The following NCALD variants were observed in gnomAD, a reference collection of about 807,000 sequenced individuals.
The protein encoded by NCALD is neurocalcin-delta.
Under a neutral mutation model 18.6 loss-of-function variants are expected in NCALD, and 10 were observed. The observed-to-expected ratio is 0.54, with a 90% confidence interval of 0.33 to 0.91. The LOEUF is 0.91. Ranked by LOEUF, NCALD falls within the 40% of genes least tolerant of loss-of-function variation. The pLI is 0.03. For synonymous variants in NCALD, 88 were observed against 87.4 expected, an observed-to-expected ratio of 1.01 and a Z score of -0.04; for missense variants, 184 against 247.6, an observed-to-expected ratio of 0.74 and a Z score of 1.72.
chr8:101,943,946 A>C (rs10098273), intron 2 of NCALD, among the ~76,000 whole-genome samples: 56,216 of 148,412 alleles, frequency 0.38, 10,763 homozygotes, highest in South Asian at 0.46. Context: ...GTCTCAAAAA[A>C]ACAAAACAAA....
At chr8:101,815,900 C>T (rs1813477250) in intron 4 of NCALD, among the ~76,000 whole-genome samples, 1 of 152,082 alleles carries the variant, frequency 6.6e-6, no homozygotes, top group Non-Finnish European at 1.5e-5. Flanking sequence ...CCAAGATGTC[C>T]TTCAGTAGGT....
chr8:102,116,581 C>G (rs1825795540), intron 1 of NCALD, among the ~76,000 whole-genome samples: 1 of 152,192 alleles, frequency 6.6e-6, no homozygotes, highest in Non-Finnish European at 1.5e-5. Context: ...CTCCCGGGCC[C>G]AAGAGATTCT....
chr8:101,868,510 T>TC (rs1586661438), intron 4 of NCALD, among the ~76,000 whole-genome samples: 1 of 152,046 alleles, frequency 6.6e-6, no homozygotes, highest in East Asian at 1.9e-4. Flanking sequence ...TTTGCAAACC[T>TC]CCCCCATTTC....
intron 2 of NCALD, among the ~76,000 whole-genome samples, chr8:101,989,479 A>G (rs1820959048): frequency 1.3e-5 from 2 of 152,218 alleles, no homozygotes; most frequent in African/African-American, 4.8e-5. Context: ...CAAATTAGAG[A>G]AGATTGATTT....
At chr8:101,808,939 T>C (rs890287476) in intron 4 of NCALD, among the ~76,000 whole-genome samples, 4 of 151,584 alleles carry the variant, frequency 2.6e-5, no homozygotes. Flanking sequence ...AAGAGGGAGA[T>C]TTCCATTTTA....
chr8:101,695,985 T>C (rs1378240655), intron 2 of NCALD, among the ~76,000 whole-genome samples: 3 of 152,180 alleles, frequency 2.0e-5, no homozygotes, highest in Non-Finnish European at 2.9e-5. Flanking sequence ...TCCTCTTTTC[T>C]TTTTCTTCTC....
At chr8:101,693,189 C>T (rs1225474152) in intron 2 of NCALD, 3 of 307,806 alleles carry the variant, frequency 9.7e-6, no homozygotes, top group South Asian at 6.2e-5. Flanking sequence ...CTCATTCTGT[C>T]ACCCAGGCTG....
At chr8:101,895,119 A>C (rs1466620304) in intron 3 of NCALD, among the ~76,000 whole-genome samples, 1 of 150,910 alleles carries the variant, frequency 6.6e-6, no homozygotes, top group Non-Finnish European at 1.5e-5. Context: ...CCTCAATAAA[A>C]TACTAGCAAA....
chr8:101,830,448 C>A (rs1388272066), intron 4 of NCALD, among the ~76,000 whole-genome samples: 1 of 151,844 alleles, frequency 6.6e-6, no homozygotes, highest in Non-Finnish European at 1.5e-5. Context: ...GTCATCCCAG[C>A]TACTCGGGAG....
At chr8:102,054,136 C>T (rs1252164392) in intron 1 of NCALD, among the ~76,000 whole-genome samples, 3 of 152,150 alleles carry the variant, frequency 2.0e-5, no homozygotes, top group Non-Finnish European at 4.4e-5. Flanking sequence ...CTCACACGTT[C>T]AGTCAGAAAC....
chr8:101,801,962 G>A (rs945376181), intron 4 of NCALD, among the ~76,000 whole-genome samples: 3 of 151,912 alleles, frequency 2.0e-5, no homozygotes, highest in Admixed American at 6.6e-5. Flanking sequence ...CACCGCGCCC[G>A]GCCAGCATAC....
At chr8:101,720,401 T>C (rs954169683) in intron 1 of NCALD, among the ~76,000 whole-genome samples, 2 of 152,220 alleles carry the variant, frequency 1.3e-5, no homozygotes, top group Admixed American at 6.5e-5. Context: ...CACATAGTTA[T>C]AGTAACATAG....
intron 2 of NCALD, among the ~76,000 whole-genome samples, chr8:101,989,928 G>A (rs1358967169): frequency 2.6e-5 from 4 of 152,296 alleles, no homozygotes; most frequent in South Asian, 4.2e-4. Context: ...ATTGGGTTTA[G>A]GGGGTTAACA....
chr8:101,726,632 T>C lies in NCALD; in HGVS notation c.-19-6984A>G, dbSNP rs534280832. On this transcript the variant is annotated intron_variant, in intron 1 of 3. Transcript: ENST00000220931. ...ATGAGGCATGAATATCATTATTTAG[T>C]TGTATACGTGTTAACCCTGAGATGC... 1.6e-4 allele frequency among the ~76,000 whole-genome samples: 25 copies of C among 152,298 alleles called. No individual in the cohort carries two copies. The South Asian group carries it at 5.0e-3, about 30-fold the overall frequency.
At chr8:102,059,460 G>C (rs1009557826) in intron 1 of NCALD, among the ~76,000 whole-genome samples, 1 of 152,198 alleles carries the variant, frequency 6.6e-6, no homozygotes, top group Admixed American at 6.5e-5. Context: ...ATATTTGAAC[G>C]AACAAATGGA....
intron 4 of NCALD, among the ~76,000 whole-genome samples, chr8:101,803,568 T>A (rs868375422): frequency 9.2e-5 from 14 of 152,184 alleles, no homozygotes; most frequent in African/African-American, 2.9e-4. Flanking sequence ...CTCTGATGGA[T>A]CTGGGCAAAG....
At chr8:101,769,892 A>G (rs1811512370) in intron 1 of NCALD, among the ~76,000 whole-genome samples, 3 of 152,198 alleles carry the variant, frequency 2.0e-5, no homozygotes, top group African/African-American at 7.2e-5. Flanking sequence ...AGGACTCTGG[A>G]TCAATGCTGG....
At chr8:101,827,879 A>G (rs950741804) in intron 4 of NCALD, among the ~76,000 whole-genome samples, 3 of 152,212 alleles carry the variant, frequency 2.0e-5, no homozygotes, top group African/African-American at 7.2e-5. Context: ...GTCAGCCACA[A>G]GGAAATGAGT....
At chr8:101,842,587 A>C (rs1391497082) in intron 4 of NCALD, among the ~76,000 whole-genome samples, 1 of 152,242 alleles carries the variant, frequency 6.6e-6, no homozygotes. Flanking sequence ...CATGGTCACA[A>C]GATGGCTATT....
Sources: gnomAD v4.1 joint callset for allele counts (sites outside exome capture counted in the v4.1 genomes callset) on GRCh38, gnomAD v4.1.1 for gene constraint, MANE v1.5 for transcripts, NCBI Gene and HGNC (gene_info 2026-07-23, HGNC 2026-07-21) for gene names.